CACNA1I: variants seen among roughly 807,000 people sequenced by gnomAD.
CACNA1I encodes calcium voltage-gated channel subunit alpha1 I, also known as voltage-dependent T-type calcium channel subunit alpha-1I.
A neutral mutation model predicts 201.6 loss-of-function variants in CACNA1I; 74 were observed. That is an observed-to-expected ratio of 0.37 (90% CI 0.30 to 0.45). The LOEUF (loss-of-function observed/expected upper bound fraction) is 0.45, where lower values mean the gene tolerates loss of function less well. Among genes scored for constraint, CACNA1I ranks in the 20% least tolerant of loss-of-function variants. CACNA1I has a pLI of 1.00. For missense variants in CACNA1I, 2,346 were observed against 3,138.1 expected, an observed-to-expected ratio of 0.75 and a Z score of 6.03; for synonymous variants, 1,431 against 1,345.2, an observed-to-expected ratio of 1.06 and a Z score of -1.40.
In CACNA1I at chr22:39,634,548, A is replaced by G. The variant is rs1459882107; in HGVS notation, c.581-17A>G. 1.2e-6 allele frequency: 2 copies of G among 1,612,502 alleles called. No homozygotes were observed. Among genetic ancestry groups the G allele is most frequent in the Admixed American group, 3.3e-5 (2 of 59,902 alleles). On this transcript the variant is annotated splice_polypyrimidine_tract_variant and intron_variant, in intron 4 of 36. Transcript: ENST00000402142. ...CTGCTCCCTGTCTGACCATCCCTCC[A>G]CCTTTTCCCCTCCCAGGTATGCGGA... is the stretch of plus-strand genomic sequence containing the variant.
intron 3 of CACNA1I, among the ~76,000 whole-genome samples, chr22:39,608,079 C>T (rs902185820): frequency 7.0e-6 from 1 of 142,554 alleles, no homozygotes; most frequent in Non-Finnish European, 1.5e-5. Context: ...CGTGCCACTG[C>T]ACTCCAGCCT....
intron 5 of CACNA1I, among the ~76,000 whole-genome samples, chr22:39,638,412 C>T (rs1934272021): frequency 6.6e-6 from 1 of 152,154 alleles, no homozygotes; most frequent in African/African-American, 2.4e-5. Context: ...GATGGATGTG[C>T]CAAATTGCCC....
chr22:39,641,066 G>A lies in CACNA1I; in HGVS notation c.940G>A (p.Gly314Ser), dbSNP rs61607492. ...GAGRQDLNAS[G>S]LCVNWNRYYN... ...GGGGCGCCAGGACCTCAATGCCAGC[G>A]GCCTCTGTGTCAACTGGAACCGTTA... Residue 314 changes from glycine (G) to serine (S), a missense_variant, in exon 6 of 37, where the codon GGC becomes AGC. Gly to Ser is a moderately conservative substitution (Grantham distance 56). Around this residue, in one of 13 missense-constraint regions of CACNA1I, gnomAD observed 227 missense variants for 412.5 expected, o/e 0.55. Coordinates refer to ENST00000402142, the MANE Select transcript of CACNA1I (RefSeq NM_021096.4). The A allele has an allele frequency of 2.3e-5, 37 of 1,614,040 alleles. No homozygotes were observed. Among genetic ancestry groups the A allele is most frequent in the Non-Finnish European group, 2.7e-5 (32 of 1,179,902 alleles).
chr22:39,603,774 C>G, intron 3 of CACNA1I, among the ~76,000 whole-genome samples: 1 of 152,100 alleles, frequency 6.6e-6, no homozygotes, highest in East Asian at 1.9e-4. Context: ...AGATGGTAAT[C>G]AGCAGAATTA....
At position 39,661,187 on chromosome 22, in the gene CACNA1I, T is replaced by C. The variant is rs1452344859; in HGVS notation, c.2778T>C (p.Pro926=). 17 of 1,612,502 alleles carry C rather than the reference T, an allele frequency of 1.1e-5. No homozygotes were observed. The highest frequency in any genetic ancestry group is 1.4e-5 in the Non-Finnish European group (17 of 1,179,512). The change falls in exon 16 of 37, where the codon CCT becomes CCC. Residue 926 remains proline, a synonymous_variant. Transcript: ENST00000402142. ...PSLPLGGHLG[P]AGAAGPAPRL... is the part of the protein sequence containing the mutation. ...TCCCACTGGGTGGGCACCTAGGTCCTGCTGGGGCTGCGGGACCTGCCCCCC... is the reference window on the plus strand; with the variant it reads ...TCCCACTGGGTGGGCACCTAGGTCCCGCTGGGGCTGCGGGACCTGCCCCCC...
rs761862974 is a variant in CACNA1I at position 39,684,204 on chromosome 22, C to G, written c.5831-98C>G. The G allele has an allele frequency of 4.0e-6, 4 of 1,010,502 alleles. No individual in the cohort carries two copies. Among genetic ancestry groups the G allele is most frequent in the Non-Finnish European group, 6.0e-6 (4 of 665,744 alleles). The allele number at this position is 1,010,502 out of a possible 1,614,324, so 62.6% of individuals were successfully genotyped here. A position where few individuals can be genotyped will look rare whatever the true frequency, so the allele number is the denominator to read the frequency against. ...AGTCAGTTTATTAGGTGGCCCCTCA[C>G]TGCTGGCCCAGTGAGATTGGTGCTC... On this transcript the variant is annotated intron_variant, in intron 35 of 36. Transcript: ENST00000402142. This position sits in a 1 kb window ranked among gnomAD's most constrained non-coding sequence, Gnocchi z 4.6.
chr22:39,580,220 G>A (rs992137011), intron 1 of CACNA1I, among the ~76,000 whole-genome samples: 1 of 152,218 alleles, frequency 6.6e-6, no homozygotes, highest in African/African-American at 2.4e-5. Flanking sequence ...CAGACGGGAG[G>A]CCAGCATTAC....
intron 6 of CACNA1I, among the ~76,000 whole-genome samples, chr22:39,642,168 G>A (rs1431101725): frequency 6.6e-6 from 1 of 152,186 alleles, no homozygotes; most frequent in African/African-American, 2.4e-5. Context: ...TTTGTTCAGA[G>A]ATGCAGGGTG....
chr22:39,679,924 TGGGGG>T, intron 33 of CACNA1I, 56 bp downstream of exon 33: 1 of 1,549,014 alleles, frequency 6.5e-7, no homozygotes, highest in Non-Finnish European at 8.8e-7. Flanking sequence ...CGAAACCTGG[TGGGGG>T]GCCTGTCCGA....
chr22:39,603,305 C>T (rs546233548), intron 3 of CACNA1I, among the ~76,000 whole-genome samples: 1 of 152,170 alleles, frequency 6.6e-6, no homozygotes, highest in Non-Finnish European at 1.5e-5. Context: ...TGCCTTTCCC[C>T]TTTTCTTTCA....
chr22:39,620,261 ATCCATC>A (rs1933705279), intron 4 of CACNA1I, among the ~76,000 whole-genome samples: 1 of 136,154 alleles, frequency 7.3e-6, no homozygotes, highest in African/African-American at 2.6e-5. Flanking sequence ...CCATCCATCC[ATCCATC>A]CATCCATCCA....
At position 39,684,559 on chromosome 22, in the gene CACNA1I, AGGCCTGGAAGTCCAAG is replaced by A. The variant is rs1217700717; in HGVS notation, c.6027+64_6027+79del. 1 of 1,545,072 alleles carries A rather than the reference AGGCCTGGAAGTCCAAG, an allele frequency of 6.5e-7. No homozygotes were observed. Among genetic ancestry groups the A allele is most frequent in the Non-Finnish European group, 8.8e-7 (1 of 1,132,724 alleles). ...GTGGGCAAGGGGCAGGATCTAAGCCAGGCCTGGAAGTCCAAGGGACTGGGAGGGGAAGGACCCAACC... is the reference window on the plus strand; with the variant it reads ...GTGGGCAAGGGGCAGGATCTAAGCCAGGACTGGGAGGGGAAGGACCCAACC... On this transcript the variant is annotated intron_variant, in intron 36 of 36. Transcript: ENST00000402142. This position sits in a 1 kb window ranked among gnomAD's most constrained non-coding sequence, Gnocchi z 4.6.
chr22:39,674,003 G>T lies in CACNA1I; in HGVS notation c.4824G>T (p.Leu1608=). 6.2e-7 allele frequency: 1 copy of T among 1,613,402 alleles called. No individual in the cohort carries two copies. The change falls in exon 29 of 37, where the codon CTG becomes CTT. Residue 1608 remains leucine (L), a synonymous_variant. Coordinates refer to ENST00000402142, the MANE Select transcript of CACNA1I (RefSeq NM_021096.4). ...AGATGGCCACAGGAATGCGGGCCCT[G>T]CTGGACACGGTGGTGCAAGCTTTGC... ...LLKMATGMRA[L]LDTVVQALPQ...
intron 4 of CACNA1I, among the ~76,000 whole-genome samples, chr22:39,620,175 C>CCATG (rs1471756858): frequency 3.4e-5 from 5 of 145,004 alleles, no homozygotes; most frequent in Admixed American, 1.4e-4. Context: ...ATCCATCCAT[C>CCATG]CATCCACTCA....
At chr22:39,661,435 C>T (rs11913325) in intron 16 of CACNA1I, 125 bp downstream of exon 16, 3 of 735,244 alleles carry the variant, frequency 4.1e-6, no homozygotes, top group Non-Finnish European at 4.2e-6. Flanking sequence ...AGGCAGGGGC[C>T]ATGTCTGTTG....
chr22:39,603,530 T>G (rs984601786), intron 3 of CACNA1I, among the ~76,000 whole-genome samples: 14 of 152,214 alleles, frequency 9.2e-5, no homozygotes, highest in Non-Finnish European at 1.9e-4. Flanking sequence ...CTGCTCTTGT[T>G]TTATGGATGC....
chr22:39,661,074 T>C (rs1183454463), intron 15 of CACNA1I, 34 bp from the exon 16 acceptor site: 1 of 1,551,854 alleles, frequency 6.4e-7, no homozygotes. Flanking sequence ...GTCTGCCATC[T>C]GTCCCTCCCT....
chr22:39,583,067 TCCA>T (rs1932617972), intron 1 of CACNA1I, among the ~76,000 whole-genome samples: 1 of 146,896 alleles, frequency 6.8e-6, no homozygotes, highest in African/African-American at 2.5e-5. Flanking sequence ...CATCCATCCA[TCCA>T]TCCATCCATC....
rs778755787 is a variant in CACNA1I at position 39,662,315 on chromosome 22, G to A, written c.3252G>A (p.Ala1084=). 1.4e-5 allele frequency: 21 copies of A among 1,480,538 alleles called. No individual in the cohort carries two copies. In the South Asian group the frequency reaches 2.0e-4, roughly 14 times the overall value. 91.7% of individuals were successfully genotyped at this position (1,480,538 alleles called of 1,614,324 possible). A position where few individuals can be genotyped will look rare whatever the true frequency, so the allele number is the denominator to read the frequency against. Residue 1084 remains alanine (A), a synonymous_variant, in exon 17 of 37, where the codon GCG becomes GCA. Transcript: ENST00000402142. The part of the protein sequence containing the change: ...VGAHPRAAWR[A]AGPAPGHEDC... ...CCCACCCCCGGGCCGCCTGGAGGGC[G>A]GCAGGCCCGGCCCCCGGGCATGAGG...
Sources: gnomAD v4.1 joint callset for allele counts (sites outside exome capture counted in the v4.1 genomes callset) on GRCh38, gnomAD v4.1.1 for gene constraint, gnomAD v4.1.1 regional missense constraint, Gnocchi (gnomAD v3.1) non-coding constraint, MANE v1.5 for transcripts, NCBI Gene and HGNC (gene_info 2026-07-23, HGNC 2026-07-21) for gene names.